The following DOCK3 variants were observed in gnomAD, a reference collection of about 807,000 sequenced individuals.
DOCK3 encodes dedicator of cytokinesis 3, also known as dedicator of cytokinesis protein 3.
Under a neutral mutation model 265.6 loss-of-function variants are expected in DOCK3, and 60 were observed. The ratio of observed to expected loss-of-function variants is 0.23; its 90% CI spans 0.18 to 0.28. The LOEUF is 0.28. Among genes scored for constraint, DOCK3 ranks in the 10% least tolerant of loss-of-function variants. The pLI, the probability that DOCK3 is intolerant of heterozygous loss-of-function variation, is 1.00. For missense variants in DOCK3, 1,981 were observed against 2,594.3 expected (o/e 0.76, Z 5.14); for synonymous variants, 881 against 938.0 (o/e 0.94, Z 1.11).
At chr3:51,089,406 A>G (rs2082551090) in intron 8 of DOCK3, 122 bp downstream of exon 8, 1 of 1,211,414 alleles carries the variant, frequency 8.3e-7, no homozygotes, top group Non-Finnish European at 1.2e-6. Flanking sequence ...TGGTGTCTTT[A>G]TCTGAGGAGC....
chr3:50,934,894 TTTTAC>T (rs1221633362), intron 5 of DOCK3, among the ~76,000 whole-genome samples: 3 of 152,166 alleles, frequency 2.0e-5, no homozygotes, highest in Non-Finnish European at 1.5e-5. Flanking sequence ...AGTAAACACA[TTTTAC>T]TTTACTTCTA....
rs761184008 is a variant in DOCK3, at chr3:51,246,798, A to C, written c.2175A>C (p.Glu725Asp). ...TGATTCGACAGGACCACATTCAAGA[A>C]GCTATGCGGGTAATGTACTAACCTC... ...AELIRQDHIQEAMRALEYLFK... is the reference protein window; with the variant it reads ...AELIRQDHIQDAMRALEYLFK... Residue 725 changes from glutamate (E) to aspartate (D), a missense_variant, in exon 22 of 53, where the codon GAA (glutamate) becomes GAC (aspartate). This residue lies in a region of DOCK3 where 1,357 missense variants were observed against 1,866.8 expected (regional missense o/e 0.73). Coordinates refer to ENST00000266037, the MANE Select transcript of DOCK3 (RefSeq NM_004947.5). The C allele has an allele frequency of 1.2e-6, 2 of 1,613,068 alleles. No individual in the cohort carries two copies. The highest frequency in any genetic ancestry group is 1.7e-6 in the Non-Finnish European group (2 of 1,179,528).
rs866889729 is a variant in DOCK3 at position 50,827,305 on chromosome 3, A to C, written c.122-14370A>C. Among the ~76,000 whole-genome samples, 3 of 152,342 alleles carry C rather than the reference A, an allele frequency of 2.0e-5. No individual in the cohort carries two copies. The East Asian group carries it at 5.8e-4, about 29-fold the overall frequency. ...TAAGCAACAGAAATTTATTTCTCAC[A>C]GTTCTGGGCTGGGAAGTGCAAGAAC... On this transcript the variant is annotated intron_variant, in intron 2 of 52. Coordinates refer to ENST00000266037, the MANE Select transcript of DOCK3 (RefSeq NM_004947.5).
intron 14 of DOCK3, among the ~76,000 whole-genome samples, chr3:51,224,275 A>G (rs1482522388): frequency 6.6e-6 from 1 of 152,180 alleles, no homozygotes; most frequent in Non-Finnish European, 1.5e-5. Context: ...CAACCAAATA[A>G]CCATGATTGC....
At chr3:50,769,428 A>T (rs2041130901) in intron 1 of DOCK3, among the ~76,000 whole-genome samples, 1 of 152,234 alleles carries the variant, frequency 6.6e-6, no homozygotes, top group Non-Finnish European at 1.5e-5. Context: ...AGCTAACATC[A>T]TACTGAATGG....
At chr3:51,046,077 G>GA (rs1160032357) in intron 5 of DOCK3, among the ~76,000 whole-genome samples, 9 of 151,170 alleles carry the variant, frequency 6.0e-5, no homozygotes, top group Non-Finnish European at 1.0e-4. Flanking sequence ...TAACCACAAA[G>GA]AAAAAAACCT....
chr3:50,840,092 T>C (rs1454047751), intron 2 of DOCK3, among the ~76,000 whole-genome samples: 1 of 152,072 alleles, frequency 6.6e-6, no homozygotes, highest in East Asian at 1.9e-4. Context: ...TTATTGAGTT[T>C]TAAGAGTTCT....
intron 2 of DOCK3, among the ~76,000 whole-genome samples, chr3:50,804,416 G>A (rs969867457): frequency 7.2e-5 from 11 of 152,096 alleles, no homozygotes; most frequent in Non-Finnish European, 1.3e-4. Flanking sequence ...GTAGCGAGCC[G>A]AGATCACGTC....
At chr3:50,985,553 G>T (rs2077867437) in intron 5 of DOCK3, among the ~76,000 whole-genome samples, 1 of 152,062 alleles carries the variant, frequency 6.6e-6, no homozygotes, top group Non-Finnish European at 1.5e-5. Flanking sequence ...CTTTCAGTGG[G>T]ATTCAATAGT....
Position 51,207,068 on chromosome 3 carries a change from A to C in DOCK3, c.1038-1706A>C, listed in dbSNP as rs1052559236. On this transcript the variant is annotated intron_variant, in intron 12 of 52. Transcript: ENST00000266037. Reference sequence around the variant, plus strand: ...GCTTTGGAGCTTGGCAGCCTCTGGTAGTGGTTGAAGCTATGGGAATGGGTG... The same window carrying C: ...GCTTTGGAGCTTGGCAGCCTCTGGTCGTGGTTGAAGCTATGGGAATGGGTG... 3.3e-5 allele frequency among the ~76,000 whole-genome samples: 5 copies of C among 152,224 alleles called. No homozygotes were observed. In the South Asian group the frequency reaches 1.0e-3, roughly 32 times the overall value.
chr3:50,958,173 T>A (rs1205872483), intron 5 of DOCK3, among the ~76,000 whole-genome samples: 1 of 152,220 alleles, frequency 6.6e-6, no homozygotes, highest in Admixed American at 6.5e-5. Flanking sequence ...TCCAAACTAT[T>A]TCATGTCATT....
intron 5 of DOCK3, among the ~76,000 whole-genome samples, chr3:50,997,431 A>G (rs1229875343): frequency 6.6e-6 from 1 of 152,174 alleles, no homozygotes; most frequent in Non-Finnish European, 1.5e-5. Flanking sequence ...TATTTAAACC[A>G]TTAGTATTGG....
chr3:51,374,715 A>AG lies in DOCK3; in HGVS notation c.5412+130dup, dbSNP rs1190921955. On this transcript the variant is annotated intron_variant, in intron 50 of 52. Transcript: ENST00000266037. The surrounding 1 kb of genome is among the most constrained non-coding windows in gnomAD (Gnocchi z 4.8). ...TCATTCCGCTGTAAGATCCCGCAAA[A>AG]GGCCGCTGGGCTTCTGGATGTGGAG... 7.8e-6 allele frequency: 7 copies of AG among 901,856 alleles called. No individual in the cohort carries two copies. The African/African-American group carries it at 9.9e-5, about 13-fold the overall frequency. The allele number at this position is 901,856 out of a possible 1,614,324, so 55.9% of individuals were successfully genotyped here. A position where few individuals can be genotyped will look rare whatever the true frequency, so the allele number is the denominator to read the frequency against.
intron 9 of DOCK3, among the ~76,000 whole-genome samples, chr3:51,124,817 C>T (rs776110533): frequency 1.2e-4 from 19 of 152,020 alleles, no homozygotes; most frequent in Non-Finnish European, 2.5e-4. Context: ...AGCTACAATA[C>T]TATAATATTG....
At chr3:51,059,324 G>A (rs558260134) in intron 5 of DOCK3, among the ~76,000 whole-genome samples, 5 of 152,122 alleles carry the variant, frequency 3.3e-5, no homozygotes, top group East Asian at 1.9e-4. Flanking sequence ...CCATTGCCTT[G>A]AGGGTTAGGA....
At chr3:50,751,431 G>C (rs765761663) in intron 1 of DOCK3, among the ~76,000 whole-genome samples, 12 of 152,006 alleles carry the variant, frequency 7.9e-5, no homozygotes, top group Non-Finnish European at 1.5e-4. Flanking sequence ...TTCCCCCAAT[G>C]CCTGGACAGG....
chr3:51,001,087 G>A (rs993415988), intron 5 of DOCK3, among the ~76,000 whole-genome samples: 5 of 152,170 alleles, frequency 3.3e-5, no homozygotes, highest in African/African-American at 7.2e-5. Flanking sequence ...GATCTATTTC[G>A]AATAAAGCAG....
intron 12 of DOCK3, among the ~76,000 whole-genome samples, chr3:51,195,215 A>G (rs892215686): frequency 6.6e-6 from 1 of 151,898 alleles, no homozygotes; most frequent in Non-Finnish European, 1.5e-5. Context: ...AATTTAATCT[A>G]TTTTTGATCA....
intron 2 of DOCK3, among the ~76,000 whole-genome samples, chr3:50,832,553 A>G (rs1009213849): frequency 1.3e-5 from 2 of 152,162 alleles, no homozygotes; most frequent in South Asian, 2.1e-4. Flanking sequence ...GGTCTTTGTG[A>G]CCTGTATCTT....
Sources: gnomAD v4.1 joint callset for allele counts (sites outside exome capture counted in the v4.1 genomes callset) on GRCh38, gnomAD v4.1.1 for gene constraint, gnomAD v4.1.1 regional missense constraint, Gnocchi (gnomAD v3.1) non-coding constraint, MANE v1.5 for transcripts, NCBI Gene and HGNC (gene_info 2026-07-23, HGNC 2026-07-21) for gene names.